Variants in CAPN12 observed in about 807,000 individuals in gnomAD.
CAPN12 encodes calpain-12.
CAPN12 carries 107 observed loss-of-function variants against 95.0 expected under a neutral mutation model. The ratio of observed to expected loss-of-function variants is 1.13; its 90% CI spans 0.96 to 1.32. The LOEUF (loss-of-function observed/expected upper bound fraction) is 1.32, where lower values mean the gene tolerates loss of function less well. CAPN12 is among the 40% of genes most tolerant of loss of function. The pLI, the probability that CAPN12 is intolerant of heterozygous loss-of-function variation, is 0.00. For missense variants in CAPN12, 1,136 were observed against 997.8 expected (o/e 1.14, Z -1.87); for synonymous variants, 505 against 415.5 (o/e 1.22, Z -2.62).
rs771213250 is a variant in CAPN12, at chr19:38,735,446, G to A, written c.1627-17C>T. On this transcript the variant is annotated splice_polypyrimidine_tract_variant and intron_variant, in intron 13 of 20. Coordinates refer to ENST00000328867, the MANE Select transcript of CAPN12 (RefSeq NM_144691.4). ...GTAGGGGCCCTGCCGCATGGCGGAA[G>A]TTTAGCGCTGGCCAAGATCCCCGCC... 2.5e-6 allele frequency: 4 copies of A among 1,611,106 alleles called. No homozygotes were observed. The highest frequency in any genetic ancestry group is 3.4e-6 in the Non-Finnish European group (4 of 1,179,236).
At position 38,737,593 on chromosome 19, in the gene CAPN12, G is replaced by T. The variant is rs746671230; in HGVS notation, c.1011C>A (p.Ile337=). 1.2e-6 allele frequency: 2 copies of T among 1,611,604 alleles called. No individual in the cohort carries two copies. The highest frequency in any genetic ancestry group is 1.1e-5 in the South Asian group (1 of 90,964). ...CCAGCACCTCCGGGCTCAGCGAGCA[G>T]ATCTGCACGGTGTCGAAATGGAGGA... ...DFLLHFDTVQ[I]CSLSPEVLGP... is the part of the protein sequence containing the mutation. The change falls in exon 9 of 21, where the codon ATC becomes ATA. Residue 337 remains isoleucine, a synonymous_variant. Transcript: ENST00000328867.
At position 38,731,133 on chromosome 19, in the gene CAPN12, C is replaced by T. The variant is rs777794945; in HGVS notation, c.2048G>A (p.Cys683Tyr). ...GAAGATGCAGGTGAGGTGGGCCACA[C>T]AGGACACGAACCGCTCGAAGTCCAC... ...LRVDFERFVS[C>Y]VAHLTCIFCH... The change falls in exon 19 of 21, where the codon TGT becomes TAT. Residue 683 changes from cysteine to tyrosine, a missense_variant. By Grantham distance (194) the Cys-to-Tyr change is radical (BLOSUM62 -2). Transcript: ENST00000328867. 5.0e-6 allele frequency: 8 copies of T among 1,612,792 alleles called. No homozygotes were observed. Among genetic ancestry groups the T allele is most frequent in the Non-Finnish European group, 6.8e-6 (8 of 1,179,904 alleles).
chr19:38,734,077 GTGC>G (rs1312898242), intron 17 of CAPN12, 62 bp downstream of exon 17: 1 of 1,569,480 alleles, frequency 6.4e-7, no homozygotes, highest in African/African-American at 1.4e-5. Context: ...AGCCCACAGG[GTGC>G]CTATGTCTCT....
rs1970179412 is a variant in CAPN12, at chr19:38,736,581, A to G, written c.1363-18T>C. On this transcript the variant is annotated intron_variant, in intron 10 of 20. Transcript: ENST00000328867. ...TCTGGAATCTGAAAGAAGCAAGAGC[A>G]AGGGGCGTCGGGGCAGGGGAGAGGT... The G allele has an allele frequency of 6.4e-7, 1 of 1,559,754 alleles. No individual in the cohort carries two copies. The highest frequency in any genetic ancestry group is 8.7e-7 in the Non-Finnish European group (1 of 1,151,402).
Position 38,734,307 on chromosome 19 carries a change from C to G in CAPN12, c.1815+12G>C. ...CACTCCCTCCCTCACCCAGGCACTGCCCCCCATGTACCCCGAAACACTGCA... is the reference window on the plus strand; with the variant it reads ...CACTCCCTCCCTCACCCAGGCACTGGCCCCCATGTACCCCGAAACACTGCA... On this transcript the variant is annotated intron_variant, in intron 16 of 20. Coordinates refer to ENST00000328867, the MANE Select transcript of CAPN12 (RefSeq NM_144691.4). The G allele has an allele frequency of 6.2e-7, 1 of 1,604,078 alleles. No homozygotes were observed. Among genetic ancestry groups the G allele is most frequent in the East Asian group, 2.2e-5 (1 of 44,732 alleles).
In CAPN12 at chr19:38,739,825, T is replaced by C. The variant is rs565924576; in HGVS notation, c.729+226A>G. The C allele has an allele frequency of 9.0e-6, 4 of 444,344 alleles. No homozygotes were observed. In the East Asian group the frequency reaches 1.4e-4, roughly 16 times the overall value. The allele number at this position is 444,344 out of a possible 1,614,324, so 27.5% of individuals were successfully genotyped here. On this transcript the variant is annotated intron_variant, in intron 5 of 20. Coordinates refer to ENST00000328867, the MANE Select transcript of CAPN12 (RefSeq NM_144691.4). The stretch of plus-strand genomic sequence containing the variant: ...GGCTGAGAGTGACACTAACACAGAA[T>C]GAGAAATAAACATAGTTGCAACACC...
chr19:38,735,371 T>G lies in CAPN12; in HGVS notation c.1685A>C (p.Glu562Ala). 1 of 1,592,000 alleles carries G rather than the reference T, an allele frequency of 6.3e-7. No homozygotes were observed. Among genetic ancestry groups the G allele is most frequent in the East Asian group, 2.3e-5 (1 of 44,236 alleles). ...CCTCAGTCCAATCCCCCTCCTCACC[T>G]CTCCAGCCAGCTCCTGAAACAGCTG... ...LEQLFQELAG[E>A]EEELNASQLQ... The change falls in exon 14 of 21, where the codon GAG (glutamate) becomes GCG (alanine). Residue 562 changes from glutamate (E) to alanine (A), a missense_variant and splice_region_variant. Physicochemically the swap from Glu to Ala is moderately radical, Grantham distance 107. Transcript: ENST00000328867.
At chr19:38,740,723 T>C (rs1440695993) in intron 4 of CAPN12, among the ~76,000 whole-genome samples, 5 of 151,332 alleles carry the variant, frequency 3.3e-5, no homozygotes, top group African/African-American at 9.7e-5. Flanking sequence ...TCGCTTGAAC[T>C]CGGGAGGCGA....
rs1408756574 is a variant in CAPN12, at chr19:38,730,540, GCAT to G, written c.*309_*311del. On this transcript the variant is annotated 3_prime_UTR_variant, in exon 21 of 21. Transcript: ENST00000328867. ...AATATTTTTAAGAAGGATTCCTGCA[GCAT>G]CATCTTTTTTTATTTCTCCTGTGTC... is the stretch of plus-strand genomic sequence containing the variant. 8.8e-6 allele frequency: 4 copies of G among 455,218 alleles called. No individual in the cohort carries two copies. Among genetic ancestry groups the G allele is most frequent in the African/African-American group, 5.8e-5 (3 of 51,426 alleles). The allele number at this position is 455,218 out of a possible 1,614,324, so 28.2% of individuals were successfully genotyped here.
chr19:38,738,606 C>T lies in CAPN12; in HGVS notation c.772G>A (p.Gly258Arg), dbSNP rs567175208. ...GTGCCCGTGATGGAATACGCGTGTC[C>T]CTTTACCAGGCCCTCTTCTGTGCGG... The part of the protein sequence containing the change: ...EYRTEEGLVK[G>R]HAYSITGTHK... The change falls in exon 6 of 21, where the codon GGA (glycine) becomes AGA (arginine). Residue 258 changes from glycine (G) to arginine (R), a missense_variant. Transcript: ENST00000328867. 5 of 1,614,022 alleles carry T rather than the reference C, an allele frequency of 3.1e-6. No homozygotes were observed. In the Admixed American group the frequency reaches 8.3e-5, roughly 27 times the overall value.
rs762749035 is a variant in CAPN12, at chr19:38,744,169, G to A, written c.-4C>T. 6 of 1,612,560 alleles carry A rather than the reference G, an allele frequency of 3.7e-6. No individual in the cohort carries two copies. The South Asian group carries it at 6.6e-5, about 18-fold the overall frequency. ...CCCTCCCACTGCTGGATGCCATCTGGACACTGGCCTCACAAGCCGGCACCA... is the reference window on the plus strand; with the variant it reads ...CCCTCCCACTGCTGGATGCCATCTGAACACTGGCCTCACAAGCCGGCACCA... On this transcript the variant is annotated 5_prime_UTR_variant, in exon 1 of 21. Coordinates refer to ENST00000328867, the MANE Select transcript of CAPN12 (RefSeq NM_144691.4).
At chr19:38,731,581 C>A in intron 18 of CAPN12, 1 of 316,328 alleles carries the variant, frequency 3.2e-6, no homozygotes, top group Non-Finnish European at 6.1e-6. Flanking sequence ...ATAGTCAATC[C>A]CATATGGAGT....
At chr19:38,736,448 C>CGAAGGTACAGCTGAGCA in intron 11 of CAPN12, 104 bp downstream of exon 11, 1 of 1,503,730 alleles carries the variant, frequency 6.7e-7, no homozygotes, top group Non-Finnish European at 8.9e-7. Context: ...CCGGCTCTGC[C>CGAAGGTACAGCTGAGCA]CCCCCACCCC....
At chr19:38,736,634 C>A (rs1970193437) in intron 10 of CAPN12, 71 bp from the exon 11 acceptor site, 1 of 1,362,982 alleles carries the variant, frequency 7.3e-7, no homozygotes, top group Non-Finnish European at 9.9e-7. Context: ...TCCTCCCTGC[C>A]CCTTCTCACC....
chr19:38,738,364 G>A lies in CAPN12; in HGVS notation c.891-17C>T. On this transcript the variant is annotated splice_polypyrimidine_tract_variant and intron_variant, in intron 7 of 20. Transcript: ENST00000328867. ...CGTGGGCAGCTGGAGAGACTGTGGT[G>A]TGAGGGGCGGGCAGGTGGGGTCCAG... The A allele has an allele frequency of 6.2e-7, 1 of 1,611,808 alleles. No individual in the cohort carries two copies. The highest frequency in any genetic ancestry group is 8.5e-7 in the Non-Finnish European group (1 of 1,179,960).
chr19:38,731,374 C>T (rs1969593867), intron 18 of CAPN12, 151 bp from the exon 19 acceptor site: 4 of 648,718 alleles, frequency 6.2e-6, no homozygotes, highest in Non-Finnish European at 1.1e-5. Flanking sequence ...CAGGCTGATC[C>T]CTTCAATCCT....
intron 4 of CAPN12, among the ~76,000 whole-genome samples, chr19:38,740,730 G>A (rs899368117): frequency 2.0e-5 from 3 of 151,944 alleles, no homozygotes; most frequent in Non-Finnish European, 2.9e-5. Flanking sequence ...AACTCGGGAG[G>A]CGAAGGTTGC....
Position 38,738,507 on chromosome 19 carries a change from G to C in CAPN12, c.805-4C>G. 1.2e-6 allele frequency: 2 copies of C among 1,613,156 alleles called. No individual in the cohort carries two copies. The highest frequency in any genetic ancestry group is 2.2e-5 in the South Asian group (2 of 91,028). On this transcript the variant is annotated splice_polypyrimidine_tract_variant and splice_region_variant and intron_variant, in intron 6 of 20. Transcript: ENST00000328867. ...CCTTGGTGAAGCCCAGGAACACCTG[G>C]GGCAGCATCGTCAGTGGGGGTGATG...
At chr19:38,735,607 G>A (rs774414901) in intron 12 of CAPN12, 63 bp from the exon 13 acceptor site, 37 of 1,555,810 alleles carry the variant, frequency 2.4e-5, no homozygotes, top group Non-Finnish European at 3.0e-5. Context: ...TGTGTGGGAC[G>A]GGGTCTCAGG....
Sources: allele counts gnomAD v4.1 joint callset (sites outside exome capture counted in the v4.1 genomes callset), GRCh38; gene constraint gnomAD v4.1.1; transcripts MANE v1.5; gene names NCBI Gene and HGNC (gene_info 2026-07-23, HGNC 2026-07-21).